KIAA0040: variants seen among roughly 807,000 people sequenced by gnomAD.
The protein encoded by KIAA0040 is uncharacterized protein KIAA0040.
In KIAA0040, 10 loss-of-function variants were observed where a neutral mutation model predicts 7.2. The ratio of observed to expected loss-of-function variants is 1.38; its 90% CI spans 0.85 to 2.34. The LOEUF (loss-of-function observed/expected upper bound fraction) is 2.34, where lower values mean the gene tolerates loss of function less well. Among genes scored for constraint, KIAA0040 ranks in the 30% most tolerant of loss-of-function variants. The probability of loss-of-function intolerance (pLI) is 0.00; values close to 1 mark genes in which losing one functional copy is unlikely to be tolerated. For synonymous variants in KIAA0040, 49 were observed against 40.1 expected (o/e 1.22, Z -0.84); for missense variants, 89 against 108.2 (o/e 0.82, Z 0.79).
intron 2 of KIAA0040, among the ~76,000 whole-genome samples, chr1:175,176,088 A>G (rs1677179201): frequency 6.6e-6 from 1 of 152,260 alleles, no homozygotes; most frequent in Admixed American, 6.5e-5. Context: ...CAGGAACTTA[A>G]GAGTTCTGCA....
intron 1 of KIAA0040, among the ~76,000 whole-genome samples, chr1:175,187,083 A>C (rs1169826085): frequency 1.3e-5 from 2 of 152,180 alleles, no homozygotes; most frequent in African/African-American, 4.8e-5. Context: ...GGTTTCATAG[A>C]TAAGCTAAGT....
chr1:175,174,514 T>C (rs909685820), intron 2 of KIAA0040, among the ~76,000 whole-genome samples: 2 of 152,240 alleles, frequency 1.3e-5, no homozygotes, highest in African/African-American at 4.8e-5. Context: ...TTACTCATCC[T>C]GGATATCTCT....
At position 175,158,779 on chromosome 1, in the gene KIAA0040, T is replaced by G. The variant is rs1047811765; in HGVS notation, c.*1935A>C. 1 of 152,152 alleles carries G rather than the reference T, an allele frequency of 6.6e-6. No homozygotes were observed. The highest frequency in any genetic ancestry group is 2.4e-5 in the African/African-American group (1 of 41,426). 9.4% of individuals were successfully genotyped at this position (152,152 alleles called of 1,614,324 possible). On this transcript the variant is annotated 3_prime_UTR_variant, in exon 4 of 4. Coordinates refer to ENST00000423313, the MANE Select transcript of KIAA0040 (RefSeq NM_014656.3). ...AGTGCTTAGGCAGTTTATGGCCATA[T>G]AGGGTGAGAGGGCAAATGTGACTGG...
intron 1 of KIAA0040, among the ~76,000 whole-genome samples, chr1:175,182,974 G>A (rs530474759): frequency 8.7e-4 from 132 of 152,334 alleles, no homozygotes; most frequent in African/African-American, 3.0e-3. Flanking sequence ...CTGTGTGCAT[G>A]ATGGAAAGAC....
chr1:175,181,581 T>G (rs1677440240), intron 1 of KIAA0040, among the ~76,000 whole-genome samples: 1 of 152,318 alleles, frequency 6.6e-6, no homozygotes, highest in Admixed American at 6.5e-5. Context: ...TGATAGACAC[T>G]TTAGGAATAA....
At chr1:175,173,680 G>A (rs1027636971) in intron 2 of KIAA0040, among the ~76,000 whole-genome samples, 4 of 152,308 alleles carry the variant, frequency 2.6e-5, no homozygotes, top group African/African-American at 9.6e-5. Context: ...GTAAAAGCCT[G>A]CCACGTGCGT....
chr1:175,175,950 A>T (rs529481518), intron 2 of KIAA0040, among the ~76,000 whole-genome samples: 1 of 152,268 alleles, frequency 6.6e-6, no homozygotes, highest in East Asian at 1.9e-4. Context: ...GGTGCAGCAC[A>T]TCAACATGGC....
rs729675 is a variant in KIAA0040, at chr1:175,167,810, T to A, written c.-309-1073A>T. 1.0e-3 allele frequency among the ~76,000 whole-genome samples: 158 copies of A among 151,830 alleles called. 2 individuals are homozygous for A. The highest frequency in any genetic ancestry group is 3.6e-3 in the African/African-American group (148 of 41,362). ...AGGCAGAGGGACATGAGAGGAGGTG[T>A]CCCTGGGTGTGCCCAACTTTCCTTC... On this transcript the variant is annotated intron_variant, in intron 2 of 3. Transcript: ENST00000423313.
chr1:175,180,110 A>T (rs552909561), intron 1 of KIAA0040, among the ~76,000 whole-genome samples: 1 of 152,112 alleles, frequency 6.6e-6, no homozygotes, highest in East Asian at 1.9e-4. Flanking sequence ...TCTATTCAAC[A>T]TTGTTGCCCT....
intron 2 of KIAA0040, among the ~76,000 whole-genome samples, chr1:175,168,377 C>T (rs1037052845): frequency 2.6e-5 from 4 of 151,978 alleles, no homozygotes; most frequent in African/African-American, 7.3e-5. Context: ...AATACAAAGT[C>T]GGAAGCTCTC....
At chr1:175,178,261 C>T (rs1677284488) in intron 1 of KIAA0040, among the ~76,000 whole-genome samples, 1 of 152,216 alleles carries the variant, frequency 6.6e-6, no homozygotes, top group South Asian at 2.1e-4. Flanking sequence ...CAAGCACATT[C>T]CATCCACTGC....
In KIAA0040 at chr1:175,158,998, T is replaced by C. The variant is rs1483824032; in HGVS notation, c.*1716A>G. ...ATGCAATCTTATAGAATTTAGTTTT[T>C]TGCTACTATAAATATCATAGTTTAG... On this transcript the variant is annotated 3_prime_UTR_variant, in exon 4 of 4. Transcript: ENST00000423313. 2 of 152,218 alleles carry C rather than the reference T, an allele frequency of 1.3e-5. No homozygotes were observed. Among genetic ancestry groups the C allele is most frequent in the Non-Finnish European group, 2.9e-5 (2 of 68,042 alleles). 9.4% of individuals were successfully genotyped at this position (152,218 alleles called of 1,614,324 possible). A position where few individuals can be genotyped will look rare whatever the true frequency, so the allele number is the denominator to read the frequency against.
At chr1:175,191,454 CA>C (rs1301457469) in intron 1 of KIAA0040, among the ~76,000 whole-genome samples, 1 of 152,192 alleles carries the variant, frequency 6.6e-6, no homozygotes, top group Non-Finnish European at 1.5e-5. Context: ...GAATTTCAGA[CA>C]AAAGGAAAGA....
At chr1:175,162,414 C>T (rs1316410618) in intron 3 of KIAA0040, among the ~76,000 whole-genome samples, 1 of 152,134 alleles carries the variant, frequency 6.6e-6, no homozygotes, top group Admixed American at 6.5e-5. Flanking sequence ...CACCCAGACC[C>T]ACCCAGACCT....
At position 175,159,309 on chromosome 1, in the gene KIAA0040, A is replaced by C. The variant is rs1045639624; in HGVS notation, c.*1405T>G. 1 of 152,272 alleles carries C rather than the reference A, an allele frequency of 6.6e-6. No individual in the cohort carries two copies. The highest frequency in any genetic ancestry group is 1.5e-5 in the Non-Finnish European group (1 of 68,042). 9.4% of individuals were successfully genotyped at this position (152,272 alleles called of 1,614,324 possible). ...CATGTCCTCACATACCTCAAGGCAC[A>C]TGTGTCACCTACATGTGCTCTCCAG... On this transcript the variant is annotated 3_prime_UTR_variant, in exon 4 of 4. Transcript: ENST00000423313.
At chr1:175,178,771 C>A (rs138182715) in intron 1 of KIAA0040, among the ~76,000 whole-genome samples, 1,609 of 152,282 alleles carry the variant, frequency 0.011, 38 homozygotes, top group African/African-American at 0.036. Flanking sequence ...ACTGCCCTCA[C>A]CATTCAGTGT....
In KIAA0040 at chr1:175,158,467, A is replaced by T. The variant is rs1676385631; in HGVS notation, c.*2247T>A. 2 of 152,068 alleles carry T rather than the reference A, an allele frequency of 1.3e-5. No homozygotes were observed. The highest frequency in any genetic ancestry group is 1.3e-4 in the Admixed American group (2 of 15,276). 9.4% of individuals were successfully genotyped at this position (152,068 alleles called of 1,614,324 possible). The stretch of plus-strand genomic sequence containing the variant: ...GGATCCCGGTGATCCGCCCTCCTAG[A>T]TCATATCTGACACTACGTCTCAGCT... On this transcript the variant is annotated 3_prime_UTR_variant, in exon 4 of 4. Transcript: ENST00000423313.
intron 2 of KIAA0040, among the ~76,000 whole-genome samples, chr1:175,167,032 A>G (rs1270645989): frequency 6.6e-6 from 1 of 152,168 alleles, no homozygotes; most frequent in African/African-American, 2.4e-5. Context: ...CCAAACATTC[A>G]TCAAAGAACC....
chr1:175,173,960 C>A (rs1212389778), intron 2 of KIAA0040, among the ~76,000 whole-genome samples: 1 of 142,810 alleles, frequency 7.0e-6, no homozygotes, highest in Non-Finnish European at 1.5e-5. Flanking sequence ...AAGATTTGGC[C>A]ACACTAACCT....
Sources: allele counts gnomAD v4.1 joint callset (sites outside exome capture counted in the v4.1 genomes callset), GRCh38; gene constraint gnomAD v4.1.1; transcripts MANE v1.5; gene names NCBI Gene and HGNC (gene_info 2026-07-23, HGNC 2026-07-21).